The following LIN28B variants were observed in gnomAD, a reference collection of about 807,000 sequenced individuals.
LIN28B encodes protein lin-28 homolog B.
In LIN28B, 5 loss-of-function variants were observed where a neutral mutation model predicts 21.9. That is an observed-to-expected ratio of 0.23 (90% confidence interval 0.12 to 0.48). LIN28B has a LOEUF of 0.48. Among genes scored for constraint, LIN28B ranks in the 20% least tolerant of loss-of-function variants. The pLI is 0.98. For missense variants in LIN28B, 245 were observed against 310.5 expected (o/e 0.79, Z 1.58); for synonymous variants, 109 against 111.3 (o/e 0.98, Z 0.13).
intron 3 of LIN28B, among the ~76,000 whole-genome samples, chr6:105,064,484 G>A (rs996334475): frequency 2.0e-5 from 3 of 152,134 alleles, no homozygotes; most frequent in African/African-American, 7.2e-5. Context: ...CTTAGAATCA[G>A]AATCAGATAA....
At chr6:105,028,169 A>G (rs1771325547) in intron 3 of LIN28B, among the ~76,000 whole-genome samples, 1 of 152,224 alleles carries the variant, frequency 6.6e-6, no homozygotes, top group South Asian at 2.1e-4. Context: ...TTTACATTCC[A>G]ATTCTGGGTT....
intron 2 of LIN28B, among the ~76,000 whole-genome samples, chr6:105,015,963 A>G (rs1582897091): frequency 6.6e-6 from 1 of 152,332 alleles, no homozygotes; most frequent in Middle Eastern, 3.4e-3. Context: ...TAGTGTACAT[A>G]GATGTACTAT....
At position 105,033,045 on chromosome 6, in the gene LIN28B, A is replaced by G. The variant is rs567869622; in HGVS notation, c.383+6563A>G. Among the ~76,000 whole-genome samples the G allele has an allele frequency of 6.1e-4, 93 of 152,290 alleles. No individual in the cohort carries two copies. In the South Asian group the frequency reaches 0.018, roughly 30 times the overall value. On this transcript the variant is annotated intron_variant, in intron 3 of 3. Coordinates refer to ENST00000345080, the MANE Select transcript of LIN28B (RefSeq NM_001004317.4). ...TCTAGAACAAAAGTTTTTAATTTGA[A>G]TGAAGATGATTTATCAATCTTTACA...
At chr6:105,013,548 G>A (rs895319477) in intron 2 of LIN28B, among the ~76,000 whole-genome samples, 4 of 151,652 alleles carry the variant, frequency 2.6e-5, no homozygotes, top group Admixed American at 1.3e-4. Context: ...GACCAACCTG[G>A]ACAACATGGC....
At chr6:105,021,287 T>A (rs1771136744) in intron 2 of LIN28B, among the ~76,000 whole-genome samples, 1 of 152,214 alleles carries the variant, frequency 6.6e-6, no homozygotes, top group Non-Finnish European at 1.5e-5. Flanking sequence ...TGATAAATAG[T>A]TTGATTCCAT....
intron 3 of LIN28B, among the ~76,000 whole-genome samples, chr6:105,065,847 T>G (rs1308900034): frequency 1.3e-5 from 2 of 152,212 alleles, no homozygotes; most frequent in African/African-American, 2.4e-5. Context: ...TGATTAATGT[T>G]TCTTACTAAT....
intron 3 of LIN28B, among the ~76,000 whole-genome samples, chr6:105,065,496 G>C (rs221629): frequency 0.83 from 126,744 of 152,262 alleles, 52,871 homozygotes; most frequent in Non-Finnish European, 0.86. Context: ...CACTGGAAGA[G>C]CAGTTGGGCC....
intron 2 of LIN28B, among the ~76,000 whole-genome samples, chr6:105,003,010 C>A (rs551812249): frequency 7.2e-5 from 11 of 152,180 alleles, no homozygotes; most frequent in African/African-American, 2.4e-4. Context: ...AGACTTCGGG[C>A]AGGTTAATTT....
intron 3 of LIN28B, chr6:105,058,154 A>G (rs754873385): frequency 6.2e-6 from 2 of 324,488 alleles, no homozygotes; most frequent in South Asian, 2.5e-5. Flanking sequence ...AGGTACTTGT[A>G]CCAACTGGGA....
chr6:105,070,592 CCACACACACACA>C (rs752057191), intron 3 of LIN28B, among the ~76,000 whole-genome samples: 79 of 92,224 alleles, frequency 8.6e-4, no homozygotes, highest in Admixed American at 2.9e-3. Flanking sequence ...ATCAATAAAA[CCACACACACACA>C]CACACACACA....
intron 2 of LIN28B, among the ~76,000 whole-genome samples, chr6:105,005,796 A>C (rs1770805632): frequency 6.6e-6 from 1 of 152,188 alleles, no homozygotes; most frequent in Non-Finnish European, 1.5e-5. Context: ...CAGTGTGAGA[A>C]TGGACTAATA....
chr6:105,046,271 G>GT (rs1176269823), intron 3 of LIN28B, among the ~76,000 whole-genome samples: 8 of 152,040 alleles, frequency 5.3e-5, no homozygotes, highest in Non-Finnish European at 1.0e-4. Context: ...GCAGTGTTTG[G>GT]TTTTTTGTCC....
chr6:105,054,476 A>T (rs1771981827), intron 3 of LIN28B, among the ~76,000 whole-genome samples: 1 of 152,256 alleles, frequency 6.6e-6, no homozygotes, highest in South Asian at 2.1e-4. Context: ...TCCTGTACAC[A>T]TCTCTCATTT....
chr6:104,950,659 G>A lies in LIN28B; in HGVS notation c.67+150G>A, dbSNP rs1194652772. On this transcript the variant is annotated intron_variant, in intron 3 of 5. Coordinates refer to the LIN28B transcript ENST00000635857. ...CAGGTACCAAGTCCTCCTATACTTC[G>A]TCCTGATCACTCCATCTAAAAAACT... 1.8e-4 allele frequency: 73 copies of A among 414,026 alleles called. No individual in the cohort carries two copies. The East Asian group carries it at 2.5e-3, about 14-fold the overall frequency. 25.6% of individuals were successfully genotyped at this position (414,026 alleles called of 1,614,324 possible). A position where few individuals can be genotyped will look rare whatever the true frequency, so the allele number is the denominator to read the frequency against.
At chr6:105,011,941 C>T (rs1770932220) in intron 2 of LIN28B, among the ~76,000 whole-genome samples, 1 of 152,084 alleles carries the variant, frequency 6.6e-6, no homozygotes, top group African/African-American at 2.4e-5. Flanking sequence ...AGGCAGATCA[C>T]AAGGTCAGGA....
At chr6:104,975,912 A>G (rs931574470) in intron 2 of LIN28B, among the ~76,000 whole-genome samples, 10 of 151,066 alleles carry the variant, frequency 6.6e-5, no homozygotes, top group African/African-American at 2.4e-4. Flanking sequence ...CCTAAGCTCA[A>G]GCAATCCGAT....
chr6:105,051,564 G>A (rs778663774), intron 3 of LIN28B, among the ~76,000 whole-genome samples: 4 of 151,404 alleles, frequency 2.6e-5, no homozygotes, highest in Non-Finnish European at 5.9e-5. Context: ...AAATAAATCT[G>A]CAATAGAAAG....
chr6:104,989,905 AATT>A (rs1365899757), intron 2 of LIN28B, among the ~76,000 whole-genome samples: 1 of 152,096 alleles, frequency 6.6e-6, no homozygotes, highest in Non-Finnish European at 1.5e-5. Context: ...AGTGAAATGA[AATT>A]TTAGGTTATT....
chr6:105,044,805 G>A (rs902966017), intron 3 of LIN28B, among the ~76,000 whole-genome samples: 3 of 152,062 alleles, frequency 2.0e-5, no homozygotes, highest in African/African-American at 7.2e-5. Flanking sequence ...CCTCTTGCCC[G>A]ACTAGTGCAC....
Sources: gnomAD v4.1 joint callset for allele counts (sites outside exome capture counted in the v4.1 genomes callset) on GRCh38, gnomAD v4.1.1 for gene constraint, MANE v1.5 for transcripts, NCBI Gene and HGNC (gene_info 2026-07-23, HGNC 2026-07-21) for gene names.